The following OOSP2 variants were observed in gnomAD, a reference collection of about 807,000 sequenced individuals.
OOSP2 encodes oocyte secreted protein 2.
A neutral mutation model predicts 13.4 loss-of-function variants in OOSP2; 7 were observed. The observed-to-expected ratio is 0.52, with a 90% CI of 0.30 to 0.98. The LOEUF (loss-of-function observed/expected upper bound fraction) is 0.98. Ranked by LOEUF, OOSP2 falls within the 50% of genes least tolerant of loss-of-function variation. The pLI is 0.07. For missense variants in OOSP2, 184 were observed against 188.5 expected, an observed-to-expected ratio of 0.98 and a Z score of 0.14; for synonymous variants, 75 against 67.2, an observed-to-expected ratio of 1.12 and a Z score of -0.57.
chr11:60,045,418 C>A (rs1412017542), intron 3 of OOSP2, among the ~76,000 whole-genome samples: 2 of 150,184 alleles, frequency 1.3e-5, no homozygotes, highest in Non-Finnish European at 3.0e-5. Flanking sequence ...TCTTATAAAT[C>A]TGAGTGAAGA....
At chr11:60,044,157 A>G (rs1854977464) in intron 2 of OOSP2, among the ~76,000 whole-genome samples, 1 of 152,204 alleles carries the variant, frequency 6.6e-6, no homozygotes, top group Admixed American at 6.5e-5. Context: ...TTATATTCAC[A>G]CTACACAAAT....
At chr11:60,042,060 A>T (rs2134638522) in intron 1 of OOSP2, among the ~76,000 whole-genome samples, 1 of 152,138 alleles carries the variant, frequency 6.6e-6, no homozygotes, top group Middle Eastern at 3.4e-3. Flanking sequence ...CGGAGCTTGC[A>T]GTGAGCGGAG....
chr11:60,044,671 G>A lies in OOSP2; in HGVS notation c.244G>A (p.Val82Ile). 1 of 1,428,852 alleles carries A rather than the reference G, an allele frequency of 7.0e-7. No individual in the cohort carries two copies. The highest frequency in any genetic ancestry group is 9.9e-7 in the Non-Finnish European group (1 of 1,012,904). The allele number at this position is 1,428,852 out of a possible 1,614,324, so 88.5% of individuals were successfully genotyped here. ...CCACTGAAACTTCATGCTCTCCTAGGTAGTTTCTGAGGAAACTCTCCTTTT... is the reference window on the plus strand; with the variant it reads ...CCACTGAAACTTCATGCTCTCCTAGATAGTTTCTGAGGAAACTCTCCTTTT... ...LVRDCGIRTR[V>I]VSEETLLFQT... Residue 82 changes from valine to isoleucine, a missense_variant and splice_region_variant, in exon 3 of 4, where the codon GTA becomes ATA. By Grantham distance (29) the Val-to-Ile change is conservative. Transcript: ENST00000278855.
At position 60,047,266 on chromosome 11, in the gene OOSP2, G is replaced by A. The variant is rs1315956229; in HGVS notation, c.*193G>A. 2.2e-6 allele frequency: 1 copy of A among 459,630 alleles called. No individual in the cohort carries two copies. The highest frequency in any genetic ancestry group is 3.8e-6 in the Non-Finnish European group (1 of 259,754). 28.5% of individuals were successfully genotyped at this position (459,630 alleles called of 1,614,324 possible). A position where few individuals can be genotyped will look rare whatever the true frequency, so the allele number is the denominator to read the frequency against. ...TTCTAAATATTTGTATTCAGTAGGG[G>A]TATGGCTGATTAATTTAACATTAAC... On this transcript the variant is annotated 3_prime_UTR_variant, in exon 4 of 4. Coordinates refer to ENST00000278855, the MANE Select transcript of OOSP2 (RefSeq NM_173801.5).
rs1322659677 is a variant in OOSP2, at chr11:60,047,145, C to T, written c.*72C>T. On this transcript the variant is annotated 3_prime_UTR_variant, in exon 4 of 4. Coordinates refer to ENST00000278855, the MANE Select transcript of OOSP2 (RefSeq NM_173801.5). ...GGAAAACAGTTTCATTTTTTCATAGCAAAAATATAGTTGGTGTATATCTCT... is the reference window on the plus strand; with the variant it reads ...GGAAAACAGTTTCATTTTTTCATAGTAAAAATATAGTTGGTGTATATCTCT... The T allele has an allele frequency of 2.3e-6, 3 of 1,298,026 alleles. No individual in the cohort carries two copies. In the African/African-American group the frequency reaches 4.4e-5, roughly 19 times the overall value. The allele number at this position is 1,298,026 out of a possible 1,614,324, so 80.4% of individuals were successfully genotyped here.
chr11:60,041,720 G>A (rs576858750), intron 1 of OOSP2, among the ~76,000 whole-genome samples: 42 of 151,080 alleles, frequency 2.8e-4, no homozygotes, highest in Admixed American at 2.3e-3. Flanking sequence ...GTGTAGTGGT[G>A]GGCGCCTGTA....
chr11:60,041,794 T>G (rs1219391324), intron 1 of OOSP2, among the ~76,000 whole-genome samples: 1 of 131,608 alleles, frequency 7.6e-6, no homozygotes, highest in Non-Finnish European at 1.5e-5. Context: ...GAGCTTGCAG[T>G]GAGCTGAGAT....
intron 1 of OOSP2, among the ~76,000 whole-genome samples, chr11:60,042,181 T>A (rs534580586): frequency 1.3e-5 from 2 of 152,158 alleles, no homozygotes; most frequent in Non-Finnish European, 2.9e-5. Context: ...TGAAAAAAAA[T>A]GCAGTGAAAT....
intron 1 of OOSP2, 129 bp downstream of exon 1, chr11:60,040,652 G>T (rs1854918080): frequency 2.7e-5 from 17 of 630,926 alleles, no homozygotes; most frequent in Non-Finnish European, 8.6e-6. Context: ...AGCGCTTTCA[G>T]GCCAAGTAGA....
intron 1 of OOSP2, among the ~76,000 whole-genome samples, chr11:60,041,393 G>T (rs940529343): frequency 1.3e-5 from 2 of 152,182 alleles, no homozygotes; most frequent in African/African-American, 2.4e-5. Context: ...AGCACATGGA[G>T]AGAAAGAGCC....
intron 3 of OOSP2, among the ~76,000 whole-genome samples, chr11:60,046,306 C>T (rs544854675): frequency 2.6e-4 from 40 of 152,222 alleles, no homozygotes; most frequent in African/African-American, 9.6e-4. Flanking sequence ...CTATGAACTA[C>T]CCAAAGCTTG....
Position 60,044,765 on chromosome 11 carries a change from C to G in OOSP2, c.338C>G (p.Ser113Cys). Residue 113 changes from serine to cysteine, a missense_variant, in exon 3 of 4, where the codon TCC becomes TGC. By Grantham distance (112) the Ser-to-Cys change is moderately radical (BLOSUM62 -1). Coordinates refer to ENST00000278855, the MANE Select transcript of OOSP2 (RefSeq NM_173801.5). The part of the protein sequence containing the change: ...HDPQEIHLEC[S>C]TSRKSVWLTP... The stretch of plus-strand genomic sequence containing the variant: ...CCTCAGGAAATCCATTTGGAGTGTT[C>G]CACCTCTAGGTAAGTCCAGCAGATT... 6.6e-7 allele frequency: 1 copy of G among 1,514,716 alleles called. No individual in the cohort carries two copies. The highest frequency in any genetic ancestry group is 9.2e-7 in the Non-Finnish European group (1 of 1,091,308). 93.8% of individuals were successfully genotyped at this position (1,514,716 alleles called of 1,614,324 possible).
At chr11:60,041,266 A>C (rs1854924927) in intron 1 of OOSP2, among the ~76,000 whole-genome samples, 1 of 152,190 alleles carries the variant, frequency 6.6e-6, no homozygotes, top group Admixed American at 6.5e-5. Context: ...TACCTTTGGA[A>C]GCAAAGATCA....
intron 3 of OOSP2, among the ~76,000 whole-genome samples, chr11:60,045,794 T>C (rs926161339): frequency 5.9e-5 from 9 of 152,188 alleles, no homozygotes; most frequent in African/African-American, 2.2e-4. Flanking sequence ...TTAACTTATT[T>C]TCATAAAGTA....
intron 1 of OOSP2, among the ~76,000 whole-genome samples, chr11:60,042,457 C>T (rs1313201315): frequency 6.6e-6 from 1 of 152,162 alleles, no homozygotes; most frequent in Non-Finnish European, 1.5e-5. Context: ...TTCCAAGCTC[C>T]AGTGGTGGTG....
intron 3 of OOSP2, among the ~76,000 whole-genome samples, chr11:60,045,388 A>G (rs1854995251): frequency 6.6e-6 from 1 of 150,984 alleles, no homozygotes; most frequent in African/African-American, 2.4e-5. Context: ...TTGCCATGCC[A>G]TTGAAATATT....
chr11:60,048,022 A>G lies in OOSP2; in HGVS notation c.*949A>G, dbSNP rs1383950688. The G allele has an allele frequency of 6.6e-6, 1 of 152,136 alleles. No homozygotes were observed. Among genetic ancestry groups the G allele is most frequent in the East Asian group, 1.9e-4 (1 of 5,196 alleles). 9.4% of individuals were successfully genotyped at this position (152,136 alleles called of 1,614,324 possible). On this transcript the variant is annotated 3_prime_UTR_variant, in exon 4 of 4. Transcript: ENST00000278855. ...TTTATTATTATTTTTAATTAAAGTGATACTATTCCATTTTCAATTAAATGC... is the reference window on the plus strand; with the variant it reads ...TTTATTATTATTTTTAATTAAAGTGGTACTATTCCATTTTCAATTAAATGC...
chr11:60,041,850 CAAAAAAA>C (rs571172974), intron 1 of OOSP2, among the ~76,000 whole-genome samples: 3 of 36,418 alleles, frequency 8.2e-5, no homozygotes, highest in East Asian at 1.1e-3. Flanking sequence ...GACTCTGTCT[CAAAAAAA>C]AAAAAAAAAA....
At position 60,047,231 on chromosome 11, in the gene OOSP2, G is replaced by C; in HGVS notation, c.*158G>C. 1 of 566,080 alleles carries C rather than the reference G, an allele frequency of 1.8e-6. No homozygotes were observed. The allele number at this position is 566,080 out of a possible 1,614,324, so 35.1% of individuals were successfully genotyped here. ...TAAAGGTCCTGATTAGTTGATTAGT[G>C]AATGTGTATTTCTAAATATTTGTAT... On this transcript the variant is annotated 3_prime_UTR_variant, in exon 4 of 4. Coordinates refer to ENST00000278855, the MANE Select transcript of OOSP2 (RefSeq NM_173801.5).
Sources: gnomAD v4.1 joint callset for allele counts (sites outside exome capture counted in the v4.1 genomes callset) on GRCh38, gnomAD v4.1.1 for gene constraint, MANE v1.5 for transcripts, NCBI Gene and HGNC (gene_info 2026-07-23, HGNC 2026-07-21) for gene names.